Variants in SLC39A9 observed in about 807,000 individuals in gnomAD.
SLC39A9 encodes the protein solute carrier family 39 member 9.
In SLC39A9, 14 loss-of-function variants were observed where a neutral mutation model predicts 28.4. The observed-to-expected ratio is 0.49, with a 90% CI of 0.33 to 0.77. The LOEUF (loss-of-function observed/expected upper bound fraction) is 0.77, where lower values mean the gene tolerates loss of function less well. SLC39A9 is among the 30% of genes least tolerant of loss of function. The pLI, the probability that SLC39A9 is intolerant of heterozygous loss-of-function variation, is 0.02. For synonymous variants in SLC39A9, 119 were observed against 149.6 expected (o/e 0.80, Z 1.49); for missense variants, 283 against 381.1 (o/e 0.74, Z 2.14).
chr14:69,425,476 A>T (rs1442481010), intron 2 of SLC39A9, among the ~76,000 whole-genome samples: 1 of 152,086 alleles, frequency 6.6e-6, no homozygotes, highest in African/African-American at 2.4e-5. Flanking sequence ...TGATTTCCTG[A>T]CCTCCAGGAA....
At chr14:69,452,187 T>C (rs1885642314) in intron 3 of SLC39A9, among the ~76,000 whole-genome samples, 1 of 152,212 alleles carries the variant, frequency 6.6e-6, no homozygotes, top group East Asian at 1.9e-4. Flanking sequence ...AGCAAACTGG[T>C]TTAACTAGAC....
chr14:69,457,686 A>G (rs1885932420), intron 6 of SLC39A9, among the ~76,000 whole-genome samples: 1 of 152,230 alleles, frequency 6.6e-6, no homozygotes, highest in Non-Finnish European at 1.5e-5. Flanking sequence ...CAAGAATAAT[A>G]CAAGCCAAAC....
chr14:69,414,067 T>G (rs1216613815), intron 1 of SLC39A9, among the ~76,000 whole-genome samples: 1 of 150,980 alleles, frequency 6.6e-6, no homozygotes, highest in African/African-American at 2.4e-5. Context: ...TTTTTTTTTT[T>G]TGAGAGAGGG....
chr14:69,399,424 T>C lies in SLC39A9; in HGVS notation c.55T>C (p.Tyr19His). 6.2e-7 allele frequency: 1 copy of C among 1,614,152 alleles called. No individual in the cohort carries two copies. The change falls in exon 1 of 7, where the codon TAC becomes CAC. Residue 19 changes from tyrosine (Y) to histidine (H), a missense_variant. Transcript: ENST00000336643. Reference protein sequence around the residue: ...LLSLAMLVGCYVAGIIPLAVN... With the variant: ...LLSLAMLVGCHVAGIIPLAVN... ...GTCTCTGGCTATGTTGGTGGGATGT[T>C]ACGTGGCCGGAATCATTCCCTTGGC...
intron 1 of SLC39A9, among the ~76,000 whole-genome samples, chr14:69,412,163 G>A (rs1348852068): frequency 1.3e-5 from 2 of 151,664 alleles, no homozygotes; most frequent in African/African-American, 4.8e-5. Context: ...GCCGAGGCGG[G>A]TGGATCACGA....
rs1260284812 is a variant in SLC39A9 at position 69,461,796 on chromosome 14, A to G, written c.*3203A>G. On this transcript the variant is annotated 3_prime_UTR_variant, in exon 7 of 7. Coordinates refer to ENST00000336643, the MANE Select transcript of SLC39A9 (RefSeq NM_018375.5). ...ACAGGAACCGTATGACAGCAGCACA[A>G]ACCCCCAAAGGATGTTCCTGCCTTG... The G allele has an allele frequency of 6.6e-7, 1 of 1,509,354 alleles. No individual in the cohort carries two copies. Among genetic ancestry groups the G allele is most frequent in the Non-Finnish European group, 8.9e-7 (1 of 1,128,040 alleles). The allele number at this position is 1,509,354 out of a possible 1,614,324, so 93.5% of individuals were successfully genotyped here.
intron 1 of SLC39A9, among the ~76,000 whole-genome samples, chr14:69,411,745 A>G (rs1437764505): frequency 6.6e-6 from 1 of 152,154 alleles, no homozygotes; most frequent in Non-Finnish European, 1.5e-5. Context: ...AGCGCTTAAA[A>G]TAAATCAGAT....
chr14:69,407,800 G>A (rs543478827), intron 1 of SLC39A9, among the ~76,000 whole-genome samples: 12 of 151,430 alleles, frequency 7.9e-5, no homozygotes, highest in African/African-American at 2.7e-4. Flanking sequence ...CACCATGCCT[G>A]GCTAGTTTTG....
intron 1 of SLC39A9, among the ~76,000 whole-genome samples, chr14:69,415,362 T>C (rs754561876): frequency 2.0e-5 from 3 of 152,248 alleles, no homozygotes; most frequent in Non-Finnish European, 4.4e-5. Context: ...TTGATTTACA[T>C]TTTTCTGATG....
At position 69,442,265 on chromosome 14, in the gene SLC39A9, C is replaced by T. The variant is rs373683599; in HGVS notation, c.402C>T (p.Asp134=). ...GTAACTCCCATGTGCATTCTACTGA[C>T]GGTGAGTGGCTCCAAGGCTTTCTGG... The part of the protein sequence containing the change: ...QIGNSHVHST[D]DPEAARSSNS... Residue 134 remains aspartate, a splice_region_variant and synonymous_variant, in exon 3 of 7, where the codon GAC becomes GAT. Coordinates refer to ENST00000336643, the MANE Select transcript of SLC39A9 (RefSeq NM_018375.5). 8 of 1,613,842 alleles carry T rather than the reference C, an allele frequency of 5.0e-6. No homozygotes were observed. The highest frequency in any genetic ancestry group is 2.7e-5 in the African/African-American group (2 of 74,908).
At chr14:69,441,433 G>A (rs1165610791) in intron 2 of SLC39A9, among the ~76,000 whole-genome samples, 1 of 152,092 alleles carries the variant, frequency 6.6e-6, no homozygotes, top group African/African-American at 2.4e-5. Flanking sequence ...CTGTAAACTG[G>A]GATTATCAGC....
intron 2 of SLC39A9, chr14:69,428,977 T>C (rs574743655): frequency 1.3e-4 from 20 of 152,354 alleles, no homozygotes; most frequent in Non-Finnish European, 2.6e-4. Flanking sequence ...TTCCTGCTCA[T>C]TGCTCTCATC....
At chr14:69,433,567 A>G (rs1884595131) in intron 2 of SLC39A9, among the ~76,000 whole-genome samples, 1 of 152,106 alleles carries the variant, frequency 6.6e-6, no homozygotes. Flanking sequence ...TTGGCCTGGC[A>G]TTTTCTATGA....
In SLC39A9 at chr14:69,455,795, A is replaced by C; in HGVS notation, c.622A>C (p.Arg208=). The change falls in exon 6 of 7, where the codon AGA becomes CGA. Residue 208 remains arginine, a synonymous_variant. Coordinates refer to ENST00000336643, the MANE Select transcript of SLC39A9 (RefSeq NM_018375.5). ...TGCTGGCTTAGAGCGGAATCGAATCAGAAAGCACTTGCTGGTCTTTGCATT... is the reference window on the plus strand; with the variant it reads ...TGCTGGCTTAGAGCGGAATCGAATCCGAAAGCACTTGCTGGTCTTTGCATT... ...MHAGLERNRI[R]KHLLVFALAA... 6.2e-7 allele frequency: 1 copy of C among 1,614,256 alleles called. No individual in the cohort carries two copies.
intron 1 of SLC39A9, among the ~76,000 whole-genome samples, chr14:69,407,616 A>C (rs1191653955): frequency 6.6e-6 from 1 of 150,392 alleles, no homozygotes; most frequent in Non-Finnish European, 1.5e-5. Flanking sequence ...GGCGTGAGCC[A>C]CTGCGCCCGG....
At position 69,399,479 on chromosome 14, in the gene SLC39A9, A is replaced by G. The variant is rs1882499727; in HGVS notation, c.96+14A>G. On this transcript the variant is annotated intron_variant, in intron 1 of 6. Transcript: ENST00000336643. The stretch of plus-strand genomic sequence containing the variant: ...AATTTCTCAGAGGTAAGAAATTCTC[A>G]ATTTTCTGTCAGCTGTCAGGATGGC... 6.2e-7 allele frequency: 1 copy of G among 1,609,552 alleles called. No homozygotes were observed. Among genetic ancestry groups the G allele is most frequent in the Non-Finnish European group, 8.5e-7 (1 of 1,176,230 alleles).
chr14:69,441,201 A>C (rs917865908), intron 2 of SLC39A9, among the ~76,000 whole-genome samples: 13 of 152,090 alleles, frequency 8.5e-5, no homozygotes, highest in Admixed American at 6.5e-5. Flanking sequence ...GGATTGCTTG[A>C]GCCCGGGAGG....
intron 1 of SLC39A9, among the ~76,000 whole-genome samples, chr14:69,410,285 C>T (rs1883193358): frequency 1.3e-5 from 2 of 152,234 alleles, no homozygotes; most frequent in African/African-American, 2.4e-5. Flanking sequence ...CTTATATGCC[C>T]CTGGCAACAT....
At position 69,454,624 on chromosome 14, in the gene SLC39A9, C is replaced by T. The variant is rs1213555116; in HGVS notation, c.473-188C>T. On this transcript the variant is annotated intron_variant, in intron 4 of 6. Transcript: ENST00000336643. Reference sequence around the variant, plus strand: ...CTTTACATAAGTTATCTCATTTAATCCTCATGAAAACCCTAAGAAATACAT... The same window carrying T: ...CTTTACATAAGTTATCTCATTTAATTCTCATGAAAACCCTAAGAAATACAT... 4.3e-5 allele frequency: 20 copies of T among 464,808 alleles called. No individual in the cohort carries two copies. In the Admixed American group the frequency reaches 7.3e-4, roughly 17 times the overall value. 28.8% of individuals were successfully genotyped at this position (464,808 alleles called of 1,614,324 possible). A position where few individuals can be genotyped will look rare whatever the true frequency, so the allele number is the denominator to read the frequency against.
Sources: allele counts gnomAD v4.1 joint callset (sites outside exome capture counted in the v4.1 genomes callset), GRCh38; gene constraint gnomAD v4.1.1; transcripts MANE v1.5; gene names NCBI Gene and HGNC (gene_info 2026-07-23, HGNC 2026-07-21).